The following DRC8 variants were observed in gnomAD, a reference collection of about 807,000 sequenced individuals.
DRC8 encodes dynein regulatory complex protein 8.
the DRC8 span, chr1:245,023,033 C>T: frequency 1.3e-5 from 2 of 152,188 alleles, no homozygotes; most frequent in Non-Finnish European, 2.9e-5. Context: ...TTGGGCAGCA[C>T]ATATACTAAA....
At chr1:245,009,078 C>G in the DRC8 span, among the ~76,000 whole-genome samples, 1 of 141,334 alleles carries the variant, frequency 7.1e-6, no homozygotes, top group Non-Finnish European at 1.5e-5. Flanking sequence ...CTCTGTCACC[C>G]GGGCTGGAGT....
the DRC8 span, chr1:244,969,990 C>G: frequency 1.9e-6 from 1 of 535,312 alleles, no homozygotes. Context: ...CTGCAGTTAA[C>G]AACAAAAATC....
chr1:244,994,929 C>G, the DRC8 span, among the ~76,000 whole-genome samples: 1 of 152,164 alleles, frequency 6.6e-6, no homozygotes, highest in African/African-American at 2.4e-5. Context: ...CTTTAAGAAG[C>G]CACTTCTTAG....
At chr1:245,121,951 T>C in the DRC8 span, 1 of 417,098 alleles carries the variant, frequency 2.4e-6, no homozygotes, top group African/African-American at 2.1e-5. Flanking sequence ...CAGGCTGAAG[T>C]GCAGTGGCGT....
chr1:245,077,952 A>G, the DRC8 span, among the ~76,000 whole-genome samples: 3 of 152,222 alleles, frequency 2.0e-5, no homozygotes. Flanking sequence ...GTTGCAAACC[A>G]TACATTTGAC....
the DRC8 span, among the ~76,000 whole-genome samples, chr1:244,993,784 G>A: frequency 6.6e-6 from 1 of 152,168 alleles, no homozygotes; most frequent in African/African-American, 2.4e-5. Flanking sequence ...ACTCATTCTT[G>A]TTAAGGAACC....
the DRC8 span, among the ~76,000 whole-genome samples, chr1:245,114,850 C>T: frequency 2.6e-5 from 4 of 152,074 alleles, no homozygotes; most frequent in Admixed American, 6.6e-5. Context: ...CTCAGCCTCC[C>T]GAGTAGCTGG....
chr1:245,003,211 C>T, the DRC8 span, among the ~76,000 whole-genome samples: 1 of 152,156 alleles, frequency 6.6e-6, no homozygotes, highest in Non-Finnish European at 1.5e-5. Context: ...TGGGCTGTTT[C>T]CACCTTCTGT....
the DRC8 span, among the ~76,000 whole-genome samples, chr1:245,072,115 C>G: frequency 1.3e-5 from 2 of 152,196 alleles, no homozygotes; most frequent in Non-Finnish European, 2.9e-5. Flanking sequence ...ACACAGAAAC[C>G]TGCACACAGA....
chr1:245,009,003 G>T, the DRC8 span, among the ~76,000 whole-genome samples: 30 of 118,248 alleles, frequency 2.5e-4, no homozygotes, highest in African/African-American at 9.4e-4. Context: ...ACAAATTTTT[G>T]TAGTTTCCCA....
the DRC8 span, among the ~76,000 whole-genome samples, chr1:245,073,117 A>G: frequency 3.3e-4 from 50 of 152,264 alleles, no homozygotes; most frequent in African/African-American, 9.6e-4. Context: ...AGAGGTATCA[A>G]TGTAGCTCTA....
At chr1:245,096,866 T>A in the DRC8 span, among the ~76,000 whole-genome samples, 1 of 152,132 alleles carries the variant, frequency 6.6e-6, no homozygotes, top group African/African-American at 2.4e-5. Flanking sequence ...CTGGGGAAAG[T>A]CACGTGATGT....
At chr1:245,091,228 G>A in the DRC8 span, 3 of 152,464 alleles carry the variant, frequency 2.0e-5, no homozygotes, top group East Asian at 1.9e-4. Flanking sequence ...ACATTGCAGC[G>A]GGGAAGGAGG....
chr1:245,078,830 A>G, the DRC8 span, among the ~76,000 whole-genome samples: 1 of 152,196 alleles, frequency 6.6e-6, no homozygotes, highest in East Asian at 1.9e-4. Flanking sequence ...ACATACAAAA[A>G]AGGTAACTAG....
the DRC8 span, among the ~76,000 whole-genome samples, chr1:244,994,697 G>A: frequency 1.3e-5 from 2 of 152,240 alleles, no homozygotes; most frequent in African/African-American, 4.8e-5. Context: ...CAAAGTGCTG[G>A]GATTACAGGT....
the DRC8 span, among the ~76,000 whole-genome samples, chr1:245,041,479 A>T: frequency 1.3e-5 from 2 of 152,314 alleles, no homozygotes; most frequent in South Asian, 4.1e-4. Context: ...GCAGAATGAC[A>T]GCCTGTGGTC....
chr1:245,055,943 G>T, the DRC8 span, among the ~76,000 whole-genome samples: 4 of 152,276 alleles, frequency 2.6e-5, no homozygotes, highest in South Asian at 8.3e-4. Flanking sequence ...TGCCCAGGTG[G>T]AGTGCAGTGG....
At chr1:245,035,796 G>A in the DRC8 span, among the ~76,000 whole-genome samples, 1 of 150,702 alleles carries the variant, frequency 6.6e-6, no homozygotes, top group African/African-American at 2.5e-5. Context: ...GAACCTGGAA[G>A]GCGGGGGTTG....
the DRC8 span, among the ~76,000 whole-genome samples, chr1:244,987,840 A>G: frequency 6.6e-6 from 1 of 151,984 alleles, no homozygotes; most frequent in Non-Finnish European, 1.5e-5. Context: ...TGTAGGTGGG[A>G]TTTTGAGTAT....
Sources: gnomAD v4.1 joint callset for allele counts (sites outside exome capture counted in the v4.1 genomes callset) on GRCh38, gnomAD v4.1.1 for gene constraint, MANE v1.5 for transcripts, NCBI Gene and HGNC (gene_info 2026-07-23, HGNC 2026-07-21) for gene names.